Variants in SLC24A3 observed in about 807,000 individuals in gnomAD.
SLC24A3 encodes the protein solute carrier family 24 member 3.
In SLC24A3, 28 loss-of-function variants were observed where a neutral mutation model predicts 75.8. The observed-to-expected ratio is 0.37, with a 90% CI of 0.27 to 0.51. The LOEUF (loss-of-function observed/expected upper bound fraction) is 0.51, where lower values mean the gene tolerates loss of function less well. Ranked by LOEUF, SLC24A3 falls within the 20% of genes least tolerant of loss-of-function variation. The probability of loss-of-function intolerance (pLI) is 0.94; values close to 1 mark genes in which losing one functional copy is unlikely to be tolerated. For missense variants in SLC24A3, 663 were observed against 847.8 expected (o/e 0.78, Z 2.71); for synonymous variants, 372 against 334.1 (o/e 1.11, Z -1.24).
At chr20:19,356,476 A>T (rs1480716018) in intron 2 of SLC24A3, among the ~76,000 whole-genome samples, 1 of 152,148 alleles carries the variant, frequency 6.6e-6, no homozygotes, top group African/African-American at 2.4e-5. Context: ...TTTCCTCTTG[A>T]CATTATTTTT....
intron 2 of SLC24A3, among the ~76,000 whole-genome samples, chr20:19,502,882 A>G (rs1988406773): frequency 6.6e-6 from 1 of 150,732 alleles, no homozygotes; most frequent in Non-Finnish European, 1.5e-5. Flanking sequence ...AAAAAAAAAA[A>G]AAAAAAAAAT....
chr20:19,449,402 G>C (rs58284751), intron 2 of SLC24A3, among the ~76,000 whole-genome samples: 38 of 152,320 alleles, frequency 2.5e-4, no homozygotes, highest in African/African-American at 9.1e-4. Flanking sequence ...CCCACGTGGC[G>C]CCCAAGCTCT....
chr20:19,248,215 G>A lies in SLC24A3; in HGVS notation c.143-32744G>A, dbSNP rs117681951. Among the ~76,000 whole-genome samples, 685 of 152,292 alleles carry A rather than the reference G, an allele frequency of 4.5e-3. 2 individuals carry two copies. Among genetic ancestry groups the A allele is most frequent in the Middle Eastern group, 0.01 (3 of 294 alleles). ...GCCTCCTTGTGGGAGCCAGATGTCAGAACCAACCTCTAGGCAAGGTTTTGC... is the reference window on the plus strand; with the variant it reads ...GCCTCCTTGTGGGAGCCAGATGTCAAAACCAACCTCTAGGCAAGGTTTTGC... On this transcript the variant is annotated intron_variant, in intron 1 of 16. Transcript: ENST00000328041.
At chr20:19,712,874 T>C (rs1016715158) in intron 15 of SLC24A3, among the ~76,000 whole-genome samples, 4 of 152,010 alleles carry the variant, frequency 2.6e-5, no homozygotes, top group African/African-American at 4.8e-5. Context: ...TATAAAAGAG[T>C]ACACGCTGCA....
intron 6 of SLC24A3, among the ~76,000 whole-genome samples, chr20:19,640,157 G>T (rs986283456): frequency 6.6e-6 from 1 of 152,260 alleles, no homozygotes; most frequent in South Asian, 2.1e-4. Flanking sequence ...CGCGGAGAGC[G>T]AGCGAGGGCT....
intron 2 of SLC24A3, among the ~76,000 whole-genome samples, chr20:19,445,319 G>T (rs1987362525): frequency 6.6e-6 from 1 of 152,170 alleles, no homozygotes; most frequent in African/African-American, 2.4e-5. Context: ...TGGACCTCAG[G>T]AAGCTGGAAA....
chr20:19,511,873 A>T (rs2029892038), intron 2 of SLC24A3, among the ~76,000 whole-genome samples: 1 of 152,138 alleles, frequency 6.6e-6, no homozygotes, highest in Admixed American at 6.5e-5. Flanking sequence ...TAACCTGGTC[A>T]TTCTTTCCAC....
chr20:19,546,145 C>G (rs957096278), intron 3 of SLC24A3, among the ~76,000 whole-genome samples: 1 of 80,808 alleles, frequency 1.2e-5, no homozygotes, highest in Non-Finnish European at 2.5e-5. Flanking sequence ...GGCGACAGAG[C>G]GAGACTCCGT....
In SLC24A3 at chr20:19,585,424, T is replaced by C; in HGVS notation, c.509-17T>C. Reference sequence around the variant, plus strand: ...CAGGGCCACAACAGCCAGGCTGATGTGGGATCTGTGTTTCAGGGGTCTTCA... The same window carrying C: ...CAGGGCCACAACAGCCAGGCTGATGCGGGATCTGTGTTTCAGGGGTCTTCA... On this transcript the variant is annotated splice_polypyrimidine_tract_variant and intron_variant, in intron 5 of 16. Coordinates refer to ENST00000328041, the MANE Select transcript of SLC24A3 (RefSeq NM_020689.4). The C allele has an allele frequency of 6.2e-7, 1 of 1,612,628 alleles. No individual in the cohort carries two copies. Among genetic ancestry groups the C allele is most frequent in the Non-Finnish European group, 8.5e-7 (1 of 1,179,014 alleles).
At chr20:19,242,134 A>T (rs1473860566) in intron 1 of SLC24A3, among the ~76,000 whole-genome samples, 1 of 152,106 alleles carries the variant, frequency 6.6e-6, no homozygotes, top group Admixed American at 6.6e-5. Flanking sequence ...TAACTCAAAG[A>T]ATTTCCTGGA....
rs115741658 is a variant in SLC24A3, at chr20:19,712,426, T to C, written c.1720-5102T>C. Among the ~76,000 whole-genome samples the C allele has an allele frequency of 8.7e-3, 1,329 of 151,978 alleles. 24 individuals carry two copies. The highest frequency in any genetic ancestry group is 0.03 in the African/African-American group (1,241 of 41,438). ...CACAAGCAGGACGACATCAGCACCATAGGGACAATAGTGAACTTGGAAGAG... is the reference window on the plus strand; with the variant it reads ...CACAAGCAGGACGACATCAGCACCACAGGGACAATAGTGAACTTGGAAGAG... On this transcript the variant is annotated intron_variant, in intron 15 of 16. Coordinates refer to ENST00000328041, the MANE Select transcript of SLC24A3 (RefSeq NM_020689.4).
intron 15 of SLC24A3, among the ~76,000 whole-genome samples, chr20:19,704,574 G>A (rs918173045): frequency 3.3e-5 from 5 of 152,132 alleles, no homozygotes; most frequent in African/African-American, 1.2e-4. Flanking sequence ...AACTTCAGAG[G>A]ACATCTGCCT....
At chr20:19,569,588 A>T (rs548598129) in intron 3 of SLC24A3, among the ~76,000 whole-genome samples, 46 of 152,166 alleles carry the variant, frequency 3.0e-4, no homozygotes, top group Non-Finnish European at 4.3e-4. Context: ...CAGGGCTCCC[A>T]CACCTCTAGC....
chr20:19,647,147 C>T (rs1470740290), intron 6 of SLC24A3, among the ~76,000 whole-genome samples: 1 of 152,112 alleles, frequency 6.6e-6, no homozygotes, highest in Non-Finnish European at 1.5e-5. Flanking sequence ...CCCCAGCTCC[C>T]TCTCCTCTCA....
intron 6 of SLC24A3, among the ~76,000 whole-genome samples, chr20:19,644,384 C>T (rs1383904014): frequency 6.6e-6 from 1 of 152,170 alleles, no homozygotes; most frequent in East Asian, 1.9e-4. Flanking sequence ...CATACAGGTT[C>T]TGATGCAGCA....
At chr20:19,269,932 C>T (rs1422867447) in intron 1 of SLC24A3, among the ~76,000 whole-genome samples, 1 of 152,246 alleles carries the variant, frequency 6.6e-6, no homozygotes, top group Non-Finnish European at 1.5e-5. Context: ...ATACCTTCAT[C>T]ATGACTCTTC....
intron 2 of SLC24A3, among the ~76,000 whole-genome samples, chr20:19,410,239 A>C (rs1426864343): frequency 6.6e-6 from 1 of 152,190 alleles, no homozygotes; most frequent in Non-Finnish European, 1.5e-5. Context: ...AGAAGCAAGA[A>C]ATGTGGCACC....
At chr20:19,546,631 G>A (rs1022650440) in intron 3 of SLC24A3, among the ~76,000 whole-genome samples, 1 of 152,184 alleles carries the variant, frequency 6.6e-6, no homozygotes, top group African/African-American at 2.4e-5. Context: ...GAAAGGGGGT[G>A]GGGGGCAGAC....
intron 12 of SLC24A3, among the ~76,000 whole-genome samples, chr20:19,686,726 A>T (rs1368819252): frequency 1.3e-5 from 2 of 152,184 alleles, no homozygotes; most frequent in African/African-American, 2.4e-5. Context: ...AACTTGAACC[A>T]GAGATGCCCC....
Sources: gnomAD v4.1 joint callset for allele counts (sites outside exome capture counted in the v4.1 genomes callset) on GRCh38, gnomAD v4.1.1 for gene constraint, MANE v1.5 for transcripts, NCBI Gene and HGNC (gene_info 2026-07-23, HGNC 2026-07-21) for gene names.